Variants in SLC18A1 observed in about 807,000 individuals in gnomAD.
The protein encoded by SLC18A1 is solute carrier family 18 member A1.
A neutral mutation model predicts 53.7 loss-of-function variants in SLC18A1; 69 were observed. That is an observed-to-expected ratio of 1.28 (90% CI 1.06 to 1.57). The LOEUF is 1.57. Among genes scored for constraint, SLC18A1 ranks in the 40% most tolerant of loss-of-function variants. SLC18A1 has a pLI of 0.00. For synonymous variants in SLC18A1, 320 were observed against 248.1 expected, an observed-to-expected ratio of 1.29 and a Z score of -2.72; for missense variants, 932 against 668.1, an observed-to-expected ratio of 1.40 and a Z score of -4.35.
At position 20,147,626 on chromosome 8, in the gene SLC18A1, G is replaced by A; in HGVS notation, c.1307C>T (p.Ala436Val). ...YGSVYAIADV[A>V]FCMGFAIGPS... Reference sequence around the variant, plus strand: ...ACCTATAGCAAAGCCCATGCAAAAAGCCACATCAGCGATGGCGTAGACACT... The same window carrying A: ...ACCTATAGCAAAGCCCATGCAAAAAACCACATCAGCGATGGCGTAGACACT... Residue 436 changes from alanine to valine, a missense_variant, in exon 14 of 16, where the codon GCT becomes GTT. By Grantham distance (64) the Ala-to-Val change is moderately conservative. Transcript: ENST00000276373. 1 of 1,614,114 alleles carries A rather than the reference G, an allele frequency of 6.2e-7. No homozygotes were observed. Among genetic ancestry groups the A allele is most frequent in the Non-Finnish European group, 8.5e-7 (1 of 1,180,018 alleles).
At chr8:20,171,203 C>A in intron 7 of SLC18A1, 57 bp from the exon 8 acceptor site, 1 of 1,567,738 alleles carries the variant, frequency 6.4e-7, no homozygotes, top group Non-Finnish European at 8.8e-7. Flanking sequence ...CTGGGGGCTC[C>A]AATAACAGCT....
At chr8:20,166,492 T>G (rs1018038943) in intron 8 of SLC18A1, among the ~76,000 whole-genome samples, 1 of 151,348 alleles carries the variant, frequency 6.6e-6, no homozygotes, top group African/African-American at 2.4e-5. Flanking sequence ...CATAAGCGAT[T>G]TATTTTGAGG....
Position 20,181,027 on chromosome 8 carries a change from A to G in SLC18A1, c.-63T>C, listed in dbSNP as rs538624306. 3.7e-5 allele frequency: 57 copies of G among 1,525,018 alleles called. No individual in the cohort carries two copies. The Admixed American group carries it at 5.8e-4, about 15-fold the overall frequency. 94.5% of individuals were successfully genotyped at this position (1,525,018 alleles called of 1,614,324 possible). On this transcript the variant is annotated 5_prime_UTR_variant, in exon 2 of 16. Transcript: ENST00000276373. ...TCTTAGGGAAGGTCCTGTGACAGCT[A>G]CAGGTCTCCTGCAGCCTTTATGGAA...
Position 20,149,779 on chromosome 8 carries a change from C to G in SLC18A1, c.1095-52G>C. The G allele has an allele frequency of 1.3e-6, 2 of 1,537,554 alleles. 1 individual carries two copies. Among genetic ancestry groups the G allele is most frequent in the Middle Eastern group, 3.4e-4 (2 of 5,900 alleles). On this transcript the variant is annotated intron_variant, in intron 11 of 15. Transcript: ENST00000276373. ...ACCACTAGGGGAGAGCTCCCCTCCA[C>G]CTGTACCCCATCACCGCCATGCTGA...
At chr8:20,176,629 A>G (rs932545071) in intron 4 of SLC18A1, among the ~76,000 whole-genome samples, 1 of 152,180 alleles carries the variant, frequency 6.6e-6, no homozygotes, top group Non-Finnish European at 1.5e-5. Context: ...GTTTAAGGGT[A>G]GTAACGGGCA....
chr8:20,157,393 C>T (rs1302031327), intron 10 of SLC18A1, among the ~76,000 whole-genome samples: 6 of 152,192 alleles, frequency 3.9e-5, no homozygotes, highest in Non-Finnish European at 8.8e-5. Flanking sequence ...CGATTCCCCA[C>T]AGGCCAGTAG....
chr8:20,151,035 A>ATG, intron 10 of SLC18A1: 1 of 361,182 alleles, frequency 2.8e-6, no homozygotes, highest in Non-Finnish European at 5.2e-6. Flanking sequence ...GCAGTGGTAC[A>ATG]ATCTCAGCCC....
At chr8:20,145,902 C>A (rs766705181) in intron 15 of SLC18A1, 26 bp from the exon 16 acceptor site, 10 of 1,379,224 alleles carry the variant, frequency 7.3e-6, no homozygotes, top group African/African-American at 1.5e-5. Flanking sequence ...AGAAGAGAAG[C>A]CACTGCACAT....
intron 15 of SLC18A1, among the ~76,000 whole-genome samples, chr8:20,146,157 C>T (rs188574644): frequency 6.6e-6 from 1 of 152,106 alleles, no homozygotes; most frequent in South Asian, 2.1e-4. Flanking sequence ...CCTCGTGATG[C>T]GCCCGCCTCA....
Position 20,149,659 on chromosome 8 carries a change from G to A in SLC18A1, c.1146+17C>T, listed in dbSNP as rs768526818. 8.8e-6 allele frequency: 14 copies of A among 1,598,022 alleles called. No homozygotes were observed. The Admixed American group carries it at 2.4e-4, about 27-fold the overall frequency. On this transcript the variant is annotated intron_variant, in intron 12 of 15. Transcript: ENST00000276373. Reference sequence around the variant, plus strand: ...CTCTCTCTCTCCTTCCCCTCCCCCAGGTCTTCTTATACTTACACAGAGCAA... The same window carrying A: ...CTCTCTCTCTCCTTCCCCTCCCCCAAGTCTTCTTATACTTACACAGAGCAA...
At position 20,180,890 on chromosome 8, in the gene SLC18A1, C is replaced by CA. The variant is rs2072408433; in HGVS notation, c.74dup (p.Val26GlyfsTer26). Reference sequence around the variant, plus strand: ...CCAGGAGCAAAGCGACGAATACCACCACCAGCACCAGCTGCCGGGACGCTC... The same window carrying CA: ...CCAGGAGCAAAGCGACGAATACCACCAACCAGCACCAGCTGCCGGGACGCTC... On this transcript the variant is annotated frameshift_variant, in exon 2 of 16. Coordinates refer to ENST00000276373, the MANE Select transcript of SLC18A1 (RefSeq NM_003053.4). LOFTEE classifies it high-confidence loss of function. The CA allele has an allele frequency of 6.2e-7, 1 of 1,613,710 alleles. No homozygotes were observed. The highest frequency in any genetic ancestry group is 1.3e-5 in the African/African-American group (1 of 74,914).
chr8:20,153,425 C>G (rs2071608379), intron 10 of SLC18A1, among the ~76,000 whole-genome samples: 1 of 151,738 alleles, frequency 6.6e-6, no homozygotes, highest in Non-Finnish European at 1.5e-5. Flanking sequence ...CGCCTGTAAT[C>G]CCAGCACTTT....
At chr8:20,163,905 G>C (rs574184786) in intron 10 of SLC18A1, among the ~76,000 whole-genome samples, 158 of 152,234 alleles carry the variant, frequency 1.0e-3, no homozygotes, top group African/African-American at 3.8e-3. Context: ...TGTTGTAGCT[G>C]CTCACTAGTA....
chr8:20,171,287 C>T, intron 7 of SLC18A1, 118 bp downstream of exon 7: 1 of 1,304,254 alleles, frequency 7.7e-7, no homozygotes, highest in South Asian at 1.2e-5. Context: ...CGGGGCAGTC[C>T]TTGATCCATC....
In SLC18A1 at chr8:20,147,671, C is replaced by T. The variant is rs370476201; in HGVS notation, c.1262G>A (p.Arg421His). The T allele has an allele frequency of 1.1e-5, 17 of 1,613,784 alleles. No homozygotes were observed. Among genetic ancestry groups the T allele is most frequent in the African/African-American group, 8.0e-5 (6 of 74,892 alleles). ...MPIMGHLVDL[R>H]HTSVYGSVYA... ...GACACTCCCATACACCGAGGTGTGG[C>T]GTAGATCCACCAGGTGCCCCATGAT... The change falls in exon 14 of 16, where the codon CGC (arginine) becomes CAC (histidine). Residue 421 changes from arginine to histidine, a missense_variant. Coordinates refer to ENST00000276373, the MANE Select transcript of SLC18A1 (RefSeq NM_003053.4).
chr8:20,165,145 G>C lies in SLC18A1; in HGVS notation c.859-38C>G, dbSNP rs755685595. On this transcript the variant is annotated intron_variant, in intron 8 of 15. Coordinates refer to ENST00000276373, the MANE Select transcript of SLC18A1 (RefSeq NM_003053.4). ...ATAACAAAAAATGTCCATTTGTACAGTGCATACATCTCTCCTATTTTCACA... is the reference window on the plus strand; with the variant it reads ...ATAACAAAAAATGTCCATTTGTACACTGCATACATCTCTCCTATTTTCACA... 6 of 1,523,644 alleles carry C rather than the reference G, an allele frequency of 3.9e-6. No homozygotes were observed. In the South Asian group the frequency reaches 5.6e-5, roughly 14 times the overall value. The allele number at this position is 1,523,644 out of a possible 1,614,324, so 94.4% of individuals were successfully genotyped here. A position where few individuals can be genotyped will look rare whatever the true frequency, so the allele number is the denominator to read the frequency against.
At chr8:20,149,587 T>TCC (rs1332652112) in intron 12 of SLC18A1, 89 bp downstream of exon 12, 5 of 888,438 alleles carry the variant, frequency 5.6e-6, no homozygotes, top group Non-Finnish European at 3.3e-6. Flanking sequence ...TCTCTCTCTC[T>TCC]CCCTCTCTCT....
intron 15 of SLC18A1, among the ~76,000 whole-genome samples, chr8:20,146,283 A>G (rs1258239626): frequency 2.6e-5 from 4 of 152,066 alleles, no homozygotes; most frequent in Non-Finnish European, 5.9e-5. Context: ...CAAGGCTGGC[A>G]TTGCTAAGTA....
At chr8:20,155,330 C>G (rs1011850069) in intron 10 of SLC18A1, among the ~76,000 whole-genome samples, 4 of 152,192 alleles carry the variant, frequency 2.6e-5, no homozygotes, top group Non-Finnish European at 5.9e-5. Context: ...GAGCACCTGT[C>G]AGCCAGTTAC....
Sources: allele counts gnomAD v4.1 joint callset (sites outside exome capture counted in the v4.1 genomes callset), GRCh38; gene constraint gnomAD v4.1.1; transcripts MANE v1.5; gene names NCBI Gene and HGNC (gene_info 2026-07-23, HGNC 2026-07-21).